MYRF: variants seen among roughly 807,000 people sequenced by gnomAD.
MYRF encodes myelin gene regulatory factor.
MYRF carries 16 observed loss-of-function variants against 126.3 expected under a neutral mutation model. The ratio of observed to expected loss-of-function variants is 0.13; its 90% CI spans 0.09 to 0.19. MYRF has a LOEUF of 0.19. MYRF is among the 10% of genes least tolerant of loss of function. The pLI is 1.00. For synonymous variants in MYRF, 608 were observed against 635.3 expected (o/e 0.96, Z 0.65); for missense variants, 1,104 against 1,547.0 (o/e 0.71, Z 4.80).
intron 17 of MYRF, 108 bp downstream of exon 17, chr11:61,780,038 G>A: frequency 1.6e-6 from 2 of 1,250,390 alleles, no homozygotes; most frequent in Non-Finnish European, 2.3e-6. Flanking sequence ...GATGTAGCTT[G>A]GGAGATCAGG....
chr11:61,770,500 C>A lies in MYRF; in HGVS notation c.715C>A (p.Gln239Lys). The A allele has an allele frequency of 6.4e-7, 1 of 1,564,268 alleles. No homozygotes were observed. Among genetic ancestry groups the A allele is most frequent in the East Asian group, 2.4e-5 (1 of 42,226 alleles). Residue 239 changes from glutamine to lysine, a missense_variant, in exon 5 of 27, where the codon CAG becomes AAG. Physicochemically the swap from Gln to Lys is moderately conservative, Grantham distance 53. This residue lies in a region of MYRF where 368 missense variants were observed against 403.9 expected (regional missense o/e 0.91). Coordinates refer to ENST00000278836, the MANE Select transcript of MYRF (RefSeq NM_001127392.3). Reference sequence around the variant, plus strand: ...CACCCAGCAGTCCCAGATGCTGCACCAGCTCCTGCAGCAGCACGGAGCTGA... The same window carrying A: ...CACCCAGCAGTCCCAGATGCTGCACAAGCTCCTGCAGCAGCACGGAGCTGA... ...HHTQQSQMLHQLLQQHGAELP... is the reference protein window; with the variant it reads ...HHTQQSQMLHKLLQQHGAELP...
At chr11:61,767,077 C>T in intron 3 of MYRF, 1 of 456,712 alleles carries the variant, frequency 2.2e-6, no homozygotes, top group South Asian at 1.5e-5. Context: ...AACAAGGGCA[C>T]AGAGGATGCC....
rs1168339017 is a variant in MYRF, at chr11:61,778,039, C to T, written c.1903+194C>T. 6.6e-6 allele frequency among the ~76,000 whole-genome samples: 1 copy of T among 152,226 alleles called. No individual in the cohort carries two copies. The highest frequency in any genetic ancestry group is 1.5e-5 in the Non-Finnish European group (1 of 68,042). On this transcript the variant is annotated intron_variant, in intron 13 of 26. Transcript: ENST00000278836. The surrounding 1 kb of genome is among the most constrained non-coding windows in gnomAD (Gnocchi z 4.6). ...CTCTCCAGGTCCCCGGAACCTCGCC[C>T]CATTGTCAGTGGAAATCTGAGAATC...
chr11:61,765,188 C>G (rs1188036616), intron 1 of MYRF, among the ~76,000 whole-genome samples: 1 of 152,212 alleles, frequency 6.6e-6, no homozygotes, highest in African/African-American at 2.4e-5. Context: ...TCCGAGCCAT[C>G]CCATCGAGGG....
rs754453884 is a variant in MYRF at position 61,771,541 on chromosome 11, C to T, written c.782C>T (p.Ser261Phe). The T allele has an allele frequency of 3.1e-6, 5 of 1,611,860 alleles. No homozygotes were observed. In the South Asian group the frequency reaches 4.4e-5, roughly 14 times the overall value. The change falls in exon 6 of 27, where the codon TCC becomes TTC. Residue 261 changes from serine (S) to phenylalanine (F), a missense_variant. Ser to Phe is a radical substitution (Grantham distance 155). Around this residue, in one of 10 missense-constraint regions of MYRF, gnomAD observed 368 missense variants for 403.9 expected, o/e 0.91. Coordinates refer to ENST00000278836, the MANE Select transcript of MYRF (RefSeq NM_001127392.3). Reference protein sequence around the residue: ...HPSKKRKHSESPPSTLNAQML... With the variant: ...HPSKKRKHSEFPPSTLNAQML... ...TCCAAGAAGAGGAAGCACTCTGAAT[C>T]CCCCCCCAGCACCCTCAATGCCCAG...
intron 1 of MYRF, among the ~76,000 whole-genome samples, chr11:61,762,306 T>G (rs888156222): frequency 6.6e-6 from 1 of 151,802 alleles, no homozygotes; most frequent in African/African-American, 2.4e-5. Context: ...TCCCCAGCAG[T>G]GGGAAGTTGT....
In MYRF at chr11:61,780,786, GC is replaced by G; in HGVS notation, c.2483del (p.Pro828HisfsTer17). On this transcript the variant is annotated frameshift_variant, in exon 19 of 27. Coordinates refer to ENST00000278836, the MANE Select transcript of MYRF (RefSeq NM_001127392.3). LOFTEE classifies it high-confidence loss of function. ...CCCCCTGGGGGGAGTGAGGCCTTGT[GC>G]CCATGGTACGTGCTGACCAGCGCCC... ...PQPPGGSEAL[C>X]PWSSQSFGTT... The G allele has an allele frequency of 6.5e-7, 1 of 1,545,868 alleles. No homozygotes were observed.
intron 1 of MYRF, among the ~76,000 whole-genome samples, chr11:61,761,062 C>G (rs2065880637): frequency 6.6e-6 from 1 of 152,188 alleles, no homozygotes; most frequent in African/African-American, 2.4e-5. Context: ...GGCCAGCATC[C>G]TCGGGCCCCG....
intron 1 of MYRF, among the ~76,000 whole-genome samples, chr11:61,764,311 G>A (rs887915372): frequency 6.6e-6 from 1 of 152,202 alleles, no homozygotes; most frequent in African/African-American, 2.4e-5. Flanking sequence ...AAGTGAGGAC[G>A]GCTGTTCCGA....
chr11:61,779,820 C>G, intron 16 of MYRF, 22 bp from the exon 17 acceptor site: 1 of 1,609,870 alleles, frequency 6.2e-7, no homozygotes, highest in South Asian at 1.1e-5. Flanking sequence ...TTTGCATTTG[C>G]ACTTTTCCTC....
At chr11:61,766,319 C>T (rs929102105) in intron 3 of MYRF, 98 bp downstream of exon 3, 36 of 1,348,330 alleles carry the variant, frequency 2.7e-5, no homozygotes, top group Non-Finnish European at 3.5e-5. Context: ...ACTGGCCTGG[C>T]ATGGGATGGG....
intron 8 of MYRF, 69 bp from the exon 9 acceptor site, chr11:61,775,987 G>A (rs2066371146): frequency 6.8e-7 from 1 of 1,475,856 alleles, no homozygotes; most frequent in African/African-American, 1.4e-5. Context: ...GCCTGGCTGA[G>A]AGGGGGCAGG....
In MYRF at chr11:61,766,138, C is replaced by A; in HGVS notation, c.315C>A (p.Asn105Lys). 6.2e-7 allele frequency: 1 copy of A among 1,611,004 alleles called. No individual in the cohort carries two copies. Among genetic ancestry groups the A allele is most frequent in the East Asian group, 2.2e-5 (1 of 44,884 alleles). ...YGTPLNCNNN[N>K]GMGAAPKPFP... ...CCCCGCTGAACTGCAACAACAACAA[C>A]GGCATGGGCGCTGCCCCCAAGCCCT... The change falls in exon 3 of 27, where the codon AAC becomes AAA. Residue 105 changes from asparagine (N) to lysine (K), a missense_variant. By Grantham distance (94) the Asn-to-Lys change is moderately conservative. Coordinates refer to ENST00000278836, the MANE Select transcript of MYRF (RefSeq NM_001127392.3).
intron 1 of MYRF, among the ~76,000 whole-genome samples, chr11:61,753,759 C>G (rs190585648): frequency 2.0e-3 from 302 of 152,276 alleles, no homozygotes; most frequent in Non-Finnish European, 3.1e-3. Context: ...CTCCATCTAA[C>G]CAACTCCCTG....
At chr11:61,763,155 C>T (rs886979954) in intron 1 of MYRF, among the ~76,000 whole-genome samples, 1 of 152,184 alleles carries the variant, frequency 6.6e-6, no homozygotes, top group Admixed American at 6.5e-5. Flanking sequence ...GGGCGACGCT[C>T]CAGGTGGGGT....
chr11:61,762,913 T>C (rs995359117), intron 1 of MYRF, among the ~76,000 whole-genome samples: 3 of 151,890 alleles, frequency 2.0e-5, no homozygotes, highest in Non-Finnish European at 2.9e-5. Context: ...GGGTCCCTCC[T>C]CCCCCAAAGC....
chr11:61,780,688 C>A, intron 18 of MYRF, 24 bp from the exon 19 acceptor site: 2 of 1,548,774 alleles, frequency 1.3e-6, no homozygotes, highest in Non-Finnish European at 1.7e-6. Context: ...CTGTCTCACC[C>A]TTTGCCTTTT....
intron 3 of MYRF, 21 bp downstream of exon 3, chr11:61,766,242 G>A: frequency 7.6e-6 from 12 of 1,587,302 alleles, no homozygotes; most frequent in Non-Finnish European, 1.0e-5. Flanking sequence ...GCAGGGAGTA[G>A]GGGGATACAG....
At position 61,787,121 on chromosome 11, in the gene MYRF, G is replaced by A. The variant is rs1209931906; in HGVS notation, c.*978G>A. ...TGGGCAGATGCAAATAGCTTTTGCT[G>A]TTATTAATGAAGTAATTACTAAATG... is the stretch of plus-strand genomic sequence containing the variant. On this transcript the variant is annotated 3_prime_UTR_variant, in exon 27 of 27. Transcript: ENST00000278836. 1 of 152,776 alleles carries A rather than the reference G, an allele frequency of 6.5e-6. No homozygotes were observed. The highest frequency in any genetic ancestry group is 1.5e-5 in the Non-Finnish European group (1 of 68,062). The allele number at this position is 152,776 out of a possible 1,614,324, so 9.5% of individuals were successfully genotyped here.
Sources: gnomAD v4.1 joint callset for allele counts (sites outside exome capture counted in the v4.1 genomes callset) on GRCh38, gnomAD v4.1.1 for gene constraint, gnomAD v4.1.1 regional missense constraint, Gnocchi (gnomAD v3.1) non-coding constraint, MANE v1.5 for transcripts, NCBI Gene and HGNC (gene_info 2026-07-23, HGNC 2026-07-21) for gene names.